MGST1: variants seen among roughly 807,000 people sequenced by gnomAD.
MGST1 encodes microsomal glutathione S-transferase 1.
MGST1 carries 5 observed loss-of-function variants against 8.9 expected under a neutral mutation model. The observed-to-expected ratio is 0.56, with a 90% confidence interval of 0.29 to 1.19. The LOEUF (loss-of-function observed/expected upper bound fraction) is 1.19. Ranked by LOEUF, MGST1 falls within the 50% of genes most tolerant of loss-of-function variation. MGST1 has a pLI of 0.08. For missense variants in MGST1, 182 were observed against 187.4 expected, an observed-to-expected ratio of 0.97 and a Z score of 0.17; for synonymous variants, 54 against 67.8, an observed-to-expected ratio of 0.80 and a Z score of 1.00.
chr12:16,432,679 G>GACACACAC (rs36054419), intron 1 of MGST1, among the ~76,000 whole-genome samples: 4 of 124,392 alleles, frequency 3.2e-5, no homozygotes, highest in Non-Finnish European at 6.9e-5. Context: ...CTCTCTCTCT[G>GACACACAC]ACACACACAC....
chr12:16,444,930 G>C (rs1483259331), intron 4 of MGST1, among the ~76,000 whole-genome samples: 5 of 151,790 alleles, frequency 3.3e-5, no homozygotes, highest in Admixed American at 6.6e-5. Flanking sequence ...ATAGTGTTTT[G>C]CTTTGTTTTG....
chr12:16,591,082 T>G (rs1313051145), downstream of MGST1, among the ~76,000 whole-genome samples: 1 of 152,208 alleles, frequency 6.6e-6, no homozygotes, highest in Non-Finnish European at 1.5e-5. The surrounding 1 kb of genome is among the most constrained non-coding windows in gnomAD (Gnocchi z 4.1). Flanking sequence ...GTATTATCAC[T>G]TTTCTAGGGG....
In MGST1 at chr12:16,363,653, A is replaced by T; in HGVS notation, c.222-142A>T. On this transcript the variant is annotated intron_variant, in intron 3 of 3. Coordinates refer to ENST00000396210, the MANE Select transcript of MGST1 (RefSeq NM_020300.5). The surrounding 1 kb of genome is among the most constrained non-coding windows in gnomAD (Gnocchi z 4.6). ...AGTCAAGTGGGCAAGGAAGCAAGACAATTTGAGAGAAAAAAAATAAATCTT... is the reference window on the plus strand; with the variant it reads ...AGTCAAGTGGGCAAGGAAGCAAGACTATTTGAGAGAAAAAAAATAAATCTT... 1.5e-6 allele frequency: 1 copy of T among 664,980 alleles called. No individual in the cohort carries two copies. The allele number at this position is 664,980 out of a possible 1,614,324, so 41.2% of individuals were successfully genotyped here. A position where few individuals can be genotyped will look rare whatever the true frequency, so the allele number is the denominator to read the frequency against.
rs9332914 is a variant in MGST1, at chr12:16,357,346, A to G, written c.127-259A>G. On this transcript the variant is annotated intron_variant, in intron 2 of 3. Transcript: ENST00000396210. ...GCAATCACAGCTCACTGCAGCCTCAACCTCTCGGGCTCAGGTGATCCTCCA... is the reference window on the plus strand; with the variant it reads ...GCAATCACAGCTCACTGCAGCCTCAGCCTCTCGGGCTCAGGTGATCCTCCA... Among the ~76,000 whole-genome samples the G allele has an allele frequency of 3.6e-4, 55 of 151,120 alleles. No individual in the cohort carries two copies. In the East Asian group the frequency reaches 4.7e-3, roughly 13 times the overall value.
chr12:16,401,804 A>G lies in MGST1; in HGVS notation n.778+18200A>G. The G allele has an allele frequency of 1.9e-6, 3 of 1,603,718 alleles. No homozygotes were observed. Among genetic ancestry groups the G allele is most frequent in the Non-Finnish European group, 2.6e-6 (3 of 1,170,512 alleles). ...TGTGTCAAACTTTCTCATCTGCATC[A>G]ACTATTTCCATGACTCTTTCCTTGA... On this transcript the variant is annotated intron_variant and non_coding_transcript_variant, in intron 1 of 1. Coordinates refer to the MGST1 transcript ENST00000359720. This position sits in a 1 kb window ranked among gnomAD's most constrained non-coding sequence, Gnocchi z 4.3.
At chr12:16,351,309 T>C (rs1027494501) in intron 1 of MGST1, among the ~76,000 whole-genome samples, 4 of 130,802 alleles carry the variant, frequency 3.1e-5, no homozygotes, top group African/African-American at 1.1e-4. Flanking sequence ...TTCATGACTT[T>C]CACCCCTTCA....
intron 4 of MGST1, among the ~76,000 whole-genome samples, chr12:16,572,106 C>T (rs1942831476): frequency 6.6e-6 from 1 of 151,734 alleles, no homozygotes; most frequent in African/African-American, 2.4e-5. Flanking sequence ...TGGTATCCTG[C>T]AAGAAAAAGG....
At position 16,513,950 on chromosome 12, in the gene MGST1, A is replaced by G. The variant is rs1941594256; in HGVS notation, n.483-75578A>G. The G allele has an allele frequency of 5.7e-6, 3 of 523,196 alleles. No individual in the cohort carries two copies. Among genetic ancestry groups the G allele is most frequent in the Non-Finnish European group, 1.1e-5 (3 of 270,706 alleles). The allele number at this position is 523,196 out of a possible 1,614,324, so 32.4% of individuals were successfully genotyped here. ...TATGACCGCAAGACTTGCGGTTTTG[A>G]CTTCACAGACACTGTGGAGGACATT... On this transcript the variant is annotated intron_variant and non_coding_transcript_variant, in intron 4 of 4. Coordinates refer to the MGST1 transcript ENST00000538857. The surrounding 1 kb of genome is among the most constrained non-coding windows in gnomAD (Gnocchi z 4.2).
intron 4 of MGST1, among the ~76,000 whole-genome samples, chr12:16,489,321 T>G (rs570858647): frequency 1.3e-5 from 2 of 152,304 alleles, no homozygotes; most frequent in East Asian, 3.9e-4. Flanking sequence ...TTGCTTTTGC[T>G]GAAGTTCAGC....
At chr12:16,588,894 C>T (rs891678854) in intron 4 of MGST1, among the ~76,000 whole-genome samples, 29 of 151,848 alleles carry the variant, frequency 1.9e-4, no homozygotes, top group African/African-American at 7.0e-4. Context: ...TTCATAACAA[C>T]AGAAGCTGAC....
intron 4 of MGST1, among the ~76,000 whole-genome samples, chr12:16,520,214 A>G (rs965582508): frequency 5.3e-5 from 8 of 152,164 alleles, no homozygotes; most frequent in African/African-American, 1.9e-4. Context: ...CCTCAAACAG[A>G]TAAGTCCCAT....
chr12:16,591,503 A>C (rs1943493711), downstream of MGST1, among the ~76,000 whole-genome samples: 1 of 149,186 alleles, frequency 6.7e-6, no homozygotes, highest in African/African-American at 2.5e-5. The surrounding 1 kb of genome is among the most constrained non-coding windows in gnomAD (Gnocchi z 4.1). Context: ...GTAGAATATA[A>C]ACTCTACAAG....
rs200500643 is a variant in MGST1, at chr12:16,583,316, T to TA, written n.483-6212_483-6211insA. 6.8e-3 allele frequency among the ~76,000 whole-genome samples: 1,031 copies of TA among 152,030 alleles called. 19 individuals are homozygous for TA. The highest frequency in any genetic ancestry group is 0.024 in the African/African-American group (987 of 41,458). On this transcript the variant is annotated intron_variant and non_coding_transcript_variant, in intron 4 of 4. Coordinates refer to the MGST1 transcript ENST00000538857. The stretch of plus-strand genomic sequence containing the variant: ...GACAACAACAGACTGTTCTTTTTTT[T>TA]TAAAAAAATTAGACAATAGGGGAAT...
At chr12:16,460,939 G>A (rs574549632) in intron 4 of MGST1, among the ~76,000 whole-genome samples, 2 of 151,922 alleles carry the variant, frequency 1.3e-5, no homozygotes, top group Non-Finnish European at 2.9e-5. Flanking sequence ...TAAATCATAC[G>A]GTATTAGTAA....
At chr12:16,446,233 G>A (rs1159501433) in intron 4 of MGST1, among the ~76,000 whole-genome samples, 1 of 151,962 alleles carries the variant, frequency 6.6e-6, no homozygotes, top group Non-Finnish European at 1.5e-5. Context: ...TTTGCCCAGT[G>A]TAGAATTATC....
chr12:16,492,792 G>C (rs556059655), intron 4 of MGST1, among the ~76,000 whole-genome samples: 1 of 152,212 alleles, frequency 6.6e-6, no homozygotes, highest in South Asian at 2.1e-4. Flanking sequence ...TCCCAATCAG[G>C]ATATGGATTT....
chr12:16,366,814 G>T (rs1296658138), downstream of MGST1, among the ~76,000 whole-genome samples: 2 of 152,058 alleles, frequency 1.3e-5, no homozygotes, highest in Admixed American at 6.6e-5. This position sits in a 1 kb window ranked among gnomAD's most constrained non-coding sequence, Gnocchi z 4.0. Context: ...ATCACAAGCA[G>T]TTCAAGGTCC....
intron 1 of MGST1, among the ~76,000 whole-genome samples, chr12:16,403,789 A>G (rs1940678602): frequency 6.6e-6 from 1 of 152,078 alleles, no homozygotes; most frequent in Non-Finnish European, 1.5e-5. Flanking sequence ...GGAAGGAGAT[A>G]TTCTGAGCGA....
chr12:16,538,859 C>T (rs1030351485), intron 4 of MGST1, among the ~76,000 whole-genome samples: 16 of 152,042 alleles, frequency 1.1e-4, no homozygotes, highest in African/African-American at 2.7e-4. Context: ...CCACCCACCT[C>T]GGCCTCCCAA....
Sources: allele counts gnomAD v4.1 joint callset (sites outside exome capture counted in the v4.1 genomes callset), GRCh38; gene constraint gnomAD v4.1.1; non-coding constraint Gnocchi (gnomAD v3.1); transcripts MANE v1.5; gene names NCBI Gene and HGNC (gene_info 2026-07-23, HGNC 2026-07-21).